ANKRD36C: variants seen among roughly 807,000 people sequenced by gnomAD.
The protein encoded by ANKRD36C is ankyrin repeat domain-containing protein 36C.
Under a neutral mutation model 276.4 loss-of-function variants are expected in ANKRD36C, and 61 were observed. The observed-to-expected ratio is 0.22, with a 90% confidence interval of 0.18 to 0.27. ANKRD36C has a LOEUF of 0.27. Ranked by LOEUF, ANKRD36C falls within the 10% of genes least tolerant of loss-of-function variation. The probability of loss-of-function intolerance (pLI) is 1.00; values close to 1 mark genes in which losing one functional copy is unlikely to be tolerated. For missense variants in ANKRD36C, 1,447 were observed against 2,032.3 expected (o/e 0.71, Z 5.54); for synonymous variants, 483 against 680.1 (o/e 0.71, Z 4.51).
At chr2:95,913,007 A>G (rs1413210137) in intron 40 of ANKRD36C, among the ~76,000 whole-genome samples, 1 of 150,720 alleles carries the variant, frequency 6.6e-6, no homozygotes, top group Non-Finnish European at 1.5e-5. Context: ...AATATTCATT[A>G]TCTCTCACAC....
chr2:95,893,838 T>C, intron 44 of ANKRD36C, 114 bp from the exon 63 acceptor site: 1 of 1,551,302 alleles, frequency 6.4e-7, no homozygotes, highest in Non-Finnish European at 8.7e-7. Context: ...AGCGTAGGCT[T>C]TAATGGCTTC....
intron 60 of ANKRD36C, among the ~76,000 whole-genome samples, chr2:95,867,114 A>G (rs1028297934): frequency 6.6e-6 from 1 of 152,214 alleles, no homozygotes; most frequent in African/African-American, 2.4e-5. Flanking sequence ...ATAGTAGAAA[A>G]GACAGTTAGA....
chr2:95,909,714 A>C (rs914127195), intron 42 of ANKRD36C, among the ~76,000 whole-genome samples: 3 of 150,664 alleles, frequency 2.0e-5, no homozygotes, highest in African/African-American at 7.3e-5. Flanking sequence ...TAATAGTAAC[A>C]AAGAGGAGTA....
Position 95,914,049 on chromosome 2 carries a change from G to A in ANKRD36C, c.2551+59C>T, listed in dbSNP as rs1393369517. On this transcript the variant is annotated intron_variant, in intron 40 of 66. Transcript: ENST00000456556. ...CGAGCCCCCCGCTGATTTCTTCAGG[G>A]AAGAGAATTTCTTATCTATCTCGAC... 14 of 1,473,432 alleles carry A rather than the reference G, an allele frequency of 9.5e-6. No individual in the cohort carries two copies. The East Asian group carries it at 3.0e-4, about 31-fold the overall frequency. 91.3% of individuals were successfully genotyped at this position (1,473,432 alleles called of 1,614,324 possible). A position where few individuals can be genotyped will look rare whatever the true frequency, so the allele number is the denominator to read the frequency against.
At chr2:95,861,741 A>G in intron 60 of ANKRD36C, among the ~76,000 whole-genome samples, 1 of 152,170 alleles carries the variant, frequency 6.6e-6, no homozygotes, top group Admixed American at 6.6e-5. Flanking sequence ...ACATAACTAT[A>G]TCAATAATCA....
At chr2:95,924,073 A>T (rs1283960397) in intron 30 of ANKRD36C, among the ~76,000 whole-genome samples, 2 of 151,686 alleles carry the variant, frequency 1.3e-5, no homozygotes, top group Non-Finnish European at 3.0e-5. Context: ...AGCTATCAAA[A>T]GGATTTACAC....
At chr2:95,989,441 A>G (rs551616585) in intron 1 of ANKRD36C, among the ~76,000 whole-genome samples, 1 of 152,098 alleles carries the variant, frequency 6.6e-6, no homozygotes, top group Non-Finnish European at 1.5e-5. Flanking sequence ...TAATCAAACC[A>G]ACTTTTTTTC....
intron 38 of ANKRD36C, among the ~76,000 whole-genome samples, 153 bp from the exon 41 acceptor site, chr2:95,914,456 T>C (rs192610430): frequency 4.6e-4 from 69 of 151,442 alleles, no homozygotes; most frequent in African/African-American, 1.5e-3. Context: ...TAGAACATGA[T>C]AGAAATACGC....
At chr2:95,873,366 C>T (rs1029170965) in intron 59 of ANKRD36C, among the ~76,000 whole-genome samples, 19 of 152,142 alleles carry the variant, frequency 1.2e-4, no homozygotes, top group South Asian at 2.1e-4. Context: ...CTTCAATATA[C>T]GCAAATAAAT....
At chr2:95,921,609 G>C (rs1677270913) in exon 34 of ANKRD36C, 1 of 1,605,720 alleles carries the variant, frequency 6.2e-7, no homozygotes, top group Non-Finnish European at 8.5e-7. Context: ...AAAATTACCT[G>C]TCCCAGATTT....
chr2:95,869,647 C>G (rs1675757804), intron 59 of ANKRD36C, among the ~76,000 whole-genome samples: 1 of 152,168 alleles, frequency 6.6e-6, no homozygotes, highest in Admixed American at 6.5e-5. Flanking sequence ...CTAAAGAGTG[C>G]CAGACAGTGG....
At position 95,977,482 on chromosome 2, in the gene ANKRD36C, A is replaced by C. The variant is rs879494384; in HGVS notation, c.799+640T>G. ...CGGGCAAGAAAAAGACCAACATTTT[A>C]AAATGAGTAAATGGAGTAAATTTAC... On this transcript the variant is annotated intron_variant, in intron 6 of 66. Transcript: ENST00000456556. Among the ~76,000 whole-genome samples the C allele has an allele frequency of 5.8e-4, 88 of 152,258 alleles. 1 individual carries two copies. The highest frequency in any genetic ancestry group is 1.9e-3 in the African/African-American group (80 of 41,572).
In ANKRD36C at chr2:95,991,773, C is replaced by T. The variant is rs549923319; in HGVS notation, c.-65G>A. ...GCTCGCCTTCGGGGATCGCCGCCTC[C>T]GAAGAGCAACAACAGGCAAAGCAGT... On this transcript the variant is annotated 5_prime_UTR_variant, in exon 1 of 67. Transcript: ENST00000456556. The T allele has an allele frequency of 1.0e-4, 152 of 1,490,704 alleles. No homozygotes were observed. The African/African-American group carries it at 2.0e-3, about 20-fold the overall frequency. 92.3% of individuals were successfully genotyped at this position (1,490,704 alleles called of 1,614,324 possible).
intron 59 of ANKRD36C, among the ~76,000 whole-genome samples, chr2:95,867,990 C>T (rs1280682008): frequency 2.0e-5 from 3 of 151,808 alleles, no homozygotes; most frequent in African/African-American, 7.3e-5. Flanking sequence ...AGAGAAAAAC[C>T]AGAGTAGCAG....
At position 95,873,419 on chromosome 2, in the gene ANKRD36C, C is replaced by A. The variant is rs965510457; in HGVS notation, c.3540+3020G>T. 1.8e-3 allele frequency among the ~76,000 whole-genome samples: 275 copies of A among 152,212 alleles called. 2 individuals are homozygous for A. The highest frequency in any genetic ancestry group is 1.1e-3 in the Non-Finnish European group (75 of 68,046). ...TAAACAAAACCAAAGACAAAAACCA[C>A]ATGATTATCTCAATAGATGCAGAAA... On this transcript the variant is annotated intron_variant, in intron 59 of 66. Coordinates refer to ENST00000456556, the Ensembl canonical transcript of ANKRD36C.
At chr2:95,971,620 A>T (rs1390566706) in intron 6 of ANKRD36C, among the ~76,000 whole-genome samples, 1 of 152,124 alleles carries the variant, frequency 6.6e-6, no homozygotes, top group Admixed American at 6.5e-5. Context: ...CCAGAATTAT[A>T]GTATATAAAA....
chr2:95,874,038 C>G (rs1025309254), intron 59 of ANKRD36C, among the ~76,000 whole-genome samples: 9 of 151,832 alleles, frequency 5.9e-5, no homozygotes, highest in African/African-American at 2.2e-4. Flanking sequence ...AGGATACAAA[C>G]AAATGGAAAA....
chr2:95,850,799 GT>G (rs1482750621), downstream of ANKRD36C, among the ~76,000 whole-genome samples: 1 of 152,226 alleles, frequency 6.6e-6, no homozygotes, highest in African/African-American at 2.4e-5. Flanking sequence ...TGTGGGGTCT[GT>G]TAGCCTTAAA....
At chr2:95,897,562 C>G in intron 44 of ANKRD36C, 97 bp from the exon 59 acceptor site, 1 of 1,472,294 alleles carries the variant, frequency 6.8e-7, no homozygotes, top group Non-Finnish European at 9.2e-7. Flanking sequence ...GTCCTCCTGC[C>G]TGTATTAGCG....
Sources: gnomAD v4.1 joint callset for allele counts (sites outside exome capture counted in the v4.1 genomes callset) on GRCh38, gnomAD v4.1.1 for gene constraint, MANE v1.5 for transcripts, NCBI Gene and HGNC (gene_info 2026-07-23, HGNC 2026-07-21) for gene names.